The following RAD51B variants were observed in gnomAD, a reference collection of about 807,000 sequenced individuals.
RAD51B encodes the protein RAD51 paralog B.
Under a neutral mutation model 42.2 loss-of-function variants are expected in RAD51B, and 38 were observed. The observed-to-expected ratio is 0.90, with a 90% CI of 0.70 to 1.18. RAD51B has a LOEUF of 1.18. Ranked by LOEUF, RAD51B falls within the 50% of genes most tolerant of loss-of-function variation. The pLI is 0.00. For synonymous variants in RAD51B, 154 were observed against 145.2 expected (o/e 1.06, Z -0.43); for missense variants, 373 against 400.7 (o/e 0.93, Z 0.59).
chr14:68,142,914 G>A (rs1595461929), intron 7 of RAD51B, among the ~76,000 whole-genome samples: 1 of 151,926 alleles, frequency 6.6e-6, no homozygotes, highest in African/African-American at 2.4e-5. Context: ...CTAAAAAAGG[G>A]GTTGGGGGCT....
chr14:68,246,536 T>C (rs1463175861), intron 7 of RAD51B, among the ~76,000 whole-genome samples: 2 of 152,154 alleles, frequency 1.3e-5, no homozygotes, highest in African/African-American at 4.8e-5. Flanking sequence ...GAACCCAGTG[T>C]GGTTGTGAAT....
At chr14:68,576,097 G>T (rs781582365) in intron 10 of RAD51B, among the ~76,000 whole-genome samples, 2 of 152,100 alleles carry the variant, frequency 1.3e-5, no homozygotes, top group Non-Finnish European at 2.9e-5. Context: ...TGAGAGCAGT[G>T]GTCCCAAGGG....
downstream of RAD51B, among the ~76,000 whole-genome samples, chr14:68,597,454 A>G (rs924071515): frequency 6.6e-6 from 1 of 152,244 alleles, no homozygotes; most frequent in African/African-American, 2.4e-5. Context: ...ATGGAATACT[A>G]TGCAGCCATA....
In RAD51B at chr14:68,093,170, T is replaced by G. The variant is rs578198558; in HGVS notation, c.757-198714T>G. Among the ~76,000 whole-genome samples, 1,036 of 151,514 alleles carry G rather than the reference T, an allele frequency of 6.8e-3. 11 individuals are homozygous for G. Among genetic ancestry groups the G allele is most frequent in the African/African-American group, 0.024 (971 of 41,198 alleles). On this transcript the variant is annotated intron_variant, in intron 7 of 10. Coordinates refer to ENST00000471583, the MANE Select transcript of RAD51B (RefSeq NM_133510.4). ...ATTGGTCTAAAATTCTCTTTTTTTG[T>G]TGTGTCTCTGCTAGGCTTTGGTATC...
chr14:68,339,856 AC>A (rs1474839817), intron 8 of RAD51B, among the ~76,000 whole-genome samples: 4 of 152,218 alleles, frequency 2.6e-5, no homozygotes, highest in African/African-American at 9.6e-5. Context: ...ATCTAATAGC[AC>A]AGTCATTTTC....
chr14:67,962,623 G>A (rs947491120), intron 7 of RAD51B, among the ~76,000 whole-genome samples: 2 of 152,134 alleles, frequency 1.3e-5, no homozygotes, highest in Admixed American at 1.3e-4. Context: ...AGGTATAAAG[G>A]CCACAGGCGT....
At chr14:68,311,428 G>C (rs950578387) in intron 8 of RAD51B, among the ~76,000 whole-genome samples, 8 of 152,200 alleles carry the variant, frequency 5.3e-5, no homozygotes, top group African/African-American at 1.9e-4. Context: ...TGAAGAGCTT[G>C]CATTCTCTTT....
chr14:67,987,136 A>G (rs970792867), intron 7 of RAD51B, among the ~76,000 whole-genome samples: 2 of 152,220 alleles, frequency 1.3e-5, no homozygotes. Flanking sequence ...TAATCACGTC[A>G]TGGAGAATGG....
intron 7 of RAD51B, among the ~76,000 whole-genome samples, chr14:68,161,980 C>G (rs1220704661): frequency 2.6e-5 from 4 of 152,292 alleles, no homozygotes; most frequent in African/African-American, 7.2e-5. Context: ...GCTAGGATGC[C>G]TATACCTCCT....
chr14:68,147,914 C>T (rs1280204156), intron 7 of RAD51B, among the ~76,000 whole-genome samples: 1 of 152,096 alleles, frequency 6.6e-6, no homozygotes, highest in Non-Finnish European at 1.5e-5. Flanking sequence ...ATCATCACCA[C>T]ACTCAAGATA....
chr14:68,097,336 T>G (rs2077212767), intron 7 of RAD51B, among the ~76,000 whole-genome samples: 1 of 151,918 alleles, frequency 6.6e-6, no homozygotes, highest in Admixed American at 6.6e-5. Flanking sequence ...AAATTTGGAG[T>G]CTCTAAGGCA....
rs150718358 is a variant in RAD51B, at chr14:67,957,397, C to T, written c.756+70193C>T. Among the ~76,000 whole-genome samples, 176 of 152,292 alleles carry T rather than the reference C, an allele frequency of 1.2e-3. 1 individual carries two copies. The highest frequency in any genetic ancestry group is 1.8e-3 in the Non-Finnish European group (121 of 68,020). On this transcript the variant is annotated intron_variant, in intron 7 of 10. Coordinates refer to ENST00000471583, the MANE Select transcript of RAD51B (RefSeq NM_133510.4). ...CATCTAAACTATTTAAAAAACACTCCTTCCTTTTTCAAAACCAAAGGGACA... is the reference window on the plus strand; with the variant it reads ...CATCTAAACTATTTAAAAAACACTCTTTCCTTTTTCAAAACCAAAGGGACA...
chr14:67,980,431 G>A lies in RAD51B; in HGVS notation c.756+93227G>A, dbSNP rs147422333. Reference sequence around the variant, plus strand: ...TGCCCTCCAGCTGGGCAACAAGAACGAAACTCCGTCTTAAAAAACAAAAAA... The same window carrying A: ...TGCCCTCCAGCTGGGCAACAAGAACAAAACTCCGTCTTAAAAAACAAAAAA... On this transcript the variant is annotated intron_variant, in intron 7 of 10. Coordinates refer to ENST00000471583, the MANE Select transcript of RAD51B (RefSeq NM_133510.4). Among the ~76,000 whole-genome samples the A allele has an allele frequency of 4.1e-3, 618 of 152,198 alleles. 8 individuals carry two copies. Among genetic ancestry groups the A allele is most frequent in the African/African-American group, 0.014 (594 of 41,516 alleles).
intron 7 of RAD51B, among the ~76,000 whole-genome samples, chr14:68,004,332 CAAAAAAA>C (rs767211363): frequency 1.0e-4 from 6 of 57,486 alleles, no homozygotes; most frequent in African/African-American, 2.0e-4. Context: ...GACTCCGTCT[CAAAAAAA>C]AAAAAAAAAA....
chr14:67,854,843 A>G lies in RAD51B; in HGVS notation c.316-10160A>G, dbSNP rs960505537. 3.9e-5 allele frequency among the ~76,000 whole-genome samples: 6 copies of G among 152,016 alleles called. No homozygotes were observed. The East Asian group carries it at 5.8e-4, about 15-fold the overall frequency. ...AAATTAGGTGTGGTGGTGCATGCCT[A>G]TAGTCCCAGCTACTTAGGAGACTGA... is the stretch of plus-strand genomic sequence containing the variant. On this transcript the variant is annotated intron_variant, in intron 4 of 10. Coordinates refer to ENST00000471583, the MANE Select transcript of RAD51B (RefSeq NM_133510.4).
At chr14:68,648,507 T>G (rs1194460833) in intron 10 of RAD51B, among the ~76,000 whole-genome samples, 1 of 151,752 alleles carries the variant, frequency 6.6e-6, no homozygotes, top group African/African-American at 2.4e-5. Context: ...AAGCTAAGTA[T>G]TAGTGGGATA....
At chr14:68,588,535 T>C (rs1890594920) in intron 10 of RAD51B, among the ~76,000 whole-genome samples, 1 of 152,168 alleles carries the variant, frequency 6.6e-6, no homozygotes, top group Non-Finnish European at 1.5e-5. Context: ...AGCTTTCTCA[T>C]GTAGAATAGA....
At chr14:68,428,689 C>G (rs1482723001) in intron 9 of RAD51B, among the ~76,000 whole-genome samples, 1 of 132,420 alleles carries the variant, frequency 7.6e-6, no homozygotes, top group Admixed American at 7.7e-5. Flanking sequence ...ATCCATGTTG[C>G]ATATGGCAGG....
downstream of RAD51B, among the ~76,000 whole-genome samples, chr14:68,613,013 C>A (rs1172978352): frequency 6.6e-6 from 1 of 152,126 alleles, no homozygotes; most frequent in Admixed American, 6.5e-5. Flanking sequence ...AATGGACCCA[C>A]AAACCACATG....
Sources: allele counts gnomAD v4.1 joint callset (sites outside exome capture counted in the v4.1 genomes callset), GRCh38; gene constraint gnomAD v4.1.1; transcripts MANE v1.5; gene names NCBI Gene and HGNC (gene_info 2026-07-23, HGNC 2026-07-21).